CUL3: variants seen among roughly 807,000 people sequenced by gnomAD.
CUL3 encodes cullin 3.
Under a neutral mutation model 89.1 loss-of-function variants are expected in CUL3, and 19 were observed. The ratio of observed to expected loss-of-function variants is 0.21; its 90% CI spans 0.15 to 0.31. CUL3 has a LOEUF of 0.31. CUL3 is among the 10% of genes least tolerant of loss of function. The probability of loss-of-function intolerance (pLI) is 1.00; values close to 1 mark genes in which losing one functional copy is unlikely to be tolerated. For synonymous variants in CUL3, 351 were observed against 308.4 expected, an observed-to-expected ratio of 1.14 and a Z score of -1.45; for missense variants, 469 against 942.3, an observed-to-expected ratio of 0.50 and a Z score of 6.58.
At chr2:224,523,309 AAC>A (rs1693338229) in intron 3 of CUL3, among the ~76,000 whole-genome samples, 2 of 152,122 alleles carry the variant, frequency 1.3e-5, no homozygotes, top group African/African-American at 4.8e-5. Flanking sequence ...TTGTAAGACC[AAC>A]GCCCCTGGAA....
chr2:224,518,295 T>A, intron 3 of CUL3, among the ~76,000 whole-genome samples: 1 of 152,238 alleles, frequency 6.6e-6, no homozygotes, highest in South Asian at 2.1e-4. Flanking sequence ...TGTTGTAACA[T>A]ACAACAGTAT....
Position 224,473,333 on chromosome 2 carries a change from G to A in CUL3, c.*912C>T, listed in dbSNP as rs1691198341. On this transcript the variant is annotated 3_prime_UTR_variant, in exon 16 of 16. Transcript: ENST00000264414. The stretch of plus-strand genomic sequence containing the variant: ...TTTATAAACAAAGTATAGACTGTAT[G>A]TGCTTTTCAGAGGGGCTGAATTAAA... 1 of 194,010 alleles carries A rather than the reference G, an allele frequency of 5.2e-6. No homozygotes were observed. The highest frequency in any genetic ancestry group is 6.1e-5 in the Admixed American group (1 of 16,366). The allele number at this position is 194,010 out of a possible 1,614,324, so 12.0% of individuals were successfully genotyped here.
At chr2:224,516,600 C>T (rs1342736473) in intron 3 of CUL3, among the ~76,000 whole-genome samples, 1 of 151,742 alleles carries the variant, frequency 6.6e-6, no homozygotes, top group Non-Finnish European at 1.5e-5. Context: ...CAGGCGCGAG[C>T]CTCTGAGCCC....
At chr2:224,503,951 G>C (rs1263262913) in intron 8 of CUL3, 129 bp from the exon 9 acceptor site, 1 of 672,002 alleles carries the variant, frequency 1.5e-6, no homozygotes, top group Non-Finnish European at 2.3e-6. Flanking sequence ...ATCAAAAAAA[G>C]GGATACGGTT....
Position 224,514,668 on chromosome 2 carries a change from T to G in CUL3, c.483A>C (p.Leu161=), listed in dbSNP as rs202244378. ...CAATCATATCCAATAGAGTTTGCCG[T>G]AGATGATCCCTAATACACCCATAAC... ...VVRYGCIRDH[L]RQTLLDMIAR... The change falls in exon 4 of 16, where the codon CTA becomes CTC. Residue 161 remains leucine, a synonymous_variant. Coordinates refer to ENST00000264414, the MANE Select transcript of CUL3 (RefSeq NM_003590.5). The G allele has an allele frequency of 2.5e-6, 4 of 1,613,832 alleles. No individual in the cohort carries two copies. Among genetic ancestry groups the G allele is most frequent in the Non-Finnish European group, 3.4e-6 (4 of 1,179,830 alleles).
intron 11 of CUL3, chr2:224,499,648 T>A: frequency 4.7e-6 from 1 of 214,654 alleles, no homozygotes; most frequent in Admixed American, 4.3e-5. Context: ...CACTCTGGTA[T>A]TATTCCACTT....
chr2:224,540,806 C>T (rs957806493), intron 2 of CUL3, among the ~76,000 whole-genome samples: 5 of 152,146 alleles, frequency 3.3e-5, no homozygotes, highest in African/African-American at 1.2e-4. Flanking sequence ...AAGTTCCCTC[C>T]CCTCACCTCC....
chr2:224,518,517 T>A (rs922046511), intron 3 of CUL3, among the ~76,000 whole-genome samples: 1 of 152,204 alleles, frequency 6.6e-6, no homozygotes, highest in African/African-American at 2.4e-5. Flanking sequence ...GTATGGAAAT[T>A]ATCAAACTTT....
intron 1 of CUL3, among the ~76,000 whole-genome samples, chr2:224,578,828 T>A (rs1695370774): frequency 6.6e-6 from 1 of 152,108 alleles, no homozygotes; most frequent in Non-Finnish European, 1.5e-5. Context: ...TAACAAAAAA[T>A]TCCCTTTAAA....
At chr2:224,575,476 T>C (rs1695277447) in intron 1 of CUL3, among the ~76,000 whole-genome samples, 2 of 152,114 alleles carry the variant, frequency 1.3e-5, no homozygotes, top group Admixed American at 6.6e-5. Flanking sequence ...ACTGGTAACA[T>C]AGGTGGAAGT....
chr2:224,510,565 T>C (rs1262630471), intron 6 of CUL3, among the ~76,000 whole-genome samples: 1 of 152,166 alleles, frequency 6.6e-6, no homozygotes, highest in South Asian at 2.1e-4. Flanking sequence ...AAATATTGCT[T>C]AGATTTCGTC....
At position 224,511,521 on chromosome 2, in the gene CUL3, G is replaced by C. The variant is rs2106215947; in HGVS notation, c.716C>G (p.Ala239Gly). The C allele has an allele frequency of 6.2e-7, 1 of 1,613,404 alleles. No homozygotes were observed. The highest frequency in any genetic ancestry group is 1.7e-5 in the Admixed American group (1 of 59,974). ...TCGTTCTATTTCTTCATTAATTCTA[G>C]CTTCTACTTTCTTTATATATACTGA... ...SASVYIKKVE[A>G]RINEEIERVM... Residue 239 changes from alanine (A) to glycine (G), a missense_variant, in exon 6 of 16, where the codon GCT becomes GGT. Ala to Gly is a moderately conservative substitution (Grantham distance 60, BLOSUM62 0). This residue lies in a region of CUL3 where 370 missense variants were observed against 733.2 expected (regional missense o/e 0.50). Transcript: ENST00000264414.
intron 4 of CUL3, 32 bp from the exon 5 acceptor site, chr2:224,513,670 T>C: frequency 7.8e-7 from 1 of 1,282,464 alleles, no homozygotes; most frequent in Non-Finnish European, 1.1e-6. Context: ...ACTTGATAAT[T>C]AAATTACATT....
At chr2:224,543,068 G>A (rs1367034517) in intron 2 of CUL3, among the ~76,000 whole-genome samples, 1 of 152,126 alleles carries the variant, frequency 6.6e-6, no homozygotes, top group African/African-American at 2.4e-5. Context: ...AATGCCTGGG[G>A]CAAAATCCCA....
At chr2:224,491,449 T>G (rs1397078388) in intron 13 of CUL3, among the ~76,000 whole-genome samples, 9 of 152,216 alleles carry the variant, frequency 5.9e-5, no homozygotes, top group Non-Finnish European at 1.3e-4. Context: ...AAAACTCTTC[T>G]AAAGAAATGT....
At chr2:224,497,706 T>A in intron 12 of CUL3, 47 bp downstream of exon 12, 1 of 1,404,010 alleles carries the variant, frequency 7.1e-7, no homozygotes, top group Non-Finnish European at 1.0e-6. Flanking sequence ...TCAGCTCTAA[T>A]AGACTAACTT....
intron 15 of CUL3, among the ~76,000 whole-genome samples, chr2:224,475,120 C>T (rs533499392): frequency 2.0e-5 from 3 of 152,142 alleles, no homozygotes; most frequent in African/African-American, 7.2e-5. Context: ...CAGGTTCCCA[C>T]CATTCTCCTG....
intron 13 of CUL3, among the ~76,000 whole-genome samples, chr2:224,489,236 T>G (rs975702063): frequency 3.9e-5 from 6 of 152,278 alleles, no homozygotes; most frequent in African/African-American, 1.4e-4. Flanking sequence ...CTATTCAACA[T>G]AGGATTGCAA....
chr2:224,511,140 G>C (rs949994947), intron 6 of CUL3, among the ~76,000 whole-genome samples: 4 of 152,078 alleles, frequency 2.6e-5, no homozygotes, highest in African/African-American at 4.8e-5. Context: ...CTTAAAGACA[G>C]GAAATGCTCA....
Sources: gnomAD v4.1 joint callset for allele counts (sites outside exome capture counted in the v4.1 genomes callset) on GRCh38, gnomAD v4.1.1 for gene constraint, gnomAD v4.1.1 regional missense constraint, MANE v1.5 for transcripts, NCBI Gene and HGNC (gene_info 2026-07-23, HGNC 2026-07-21) for gene names.